Variants in ABL2 observed in about 807,000 individuals in gnomAD.
ABL2 encodes tyrosine-protein kinase ABL2.
Under a neutral mutation model 107.7 loss-of-function variants are expected in ABL2, and 49 were observed. The ratio of observed to expected loss-of-function variants is 0.45; its 90% CI spans 0.36 to 0.58. The LOEUF (loss-of-function observed/expected upper bound fraction) is 0.58. ABL2 is among the 20% of genes least tolerant of loss of function. The pLI, the probability that ABL2 is intolerant of heterozygous loss-of-function variation, is 0.00. For missense variants in ABL2, 1,245 were observed against 1,457.0 expected, an observed-to-expected ratio of 0.85 and a Z score of 2.37; for synonymous variants, 549 against 548.6, an observed-to-expected ratio of 1.00 and a Z score of -0.01.
At chr1:179,130,735 TG>T (rs1448185636) in intron 3 of ABL2, among the ~76,000 whole-genome samples, 3 of 145,864 alleles carry the variant, frequency 2.1e-5, no homozygotes, top group Admixed American at 7.5e-5. Flanking sequence ...TTTGTGTGTG[TG>T]TGTGTGTGTG....
At chr1:179,146,397 A>C (rs1657989236) in intron 1 of ABL2, among the ~76,000 whole-genome samples, 1 of 152,210 alleles carries the variant, frequency 6.6e-6, no homozygotes, top group African/African-American at 2.4e-5. Context: ...ATGGCCATGT[A>C]ATTCACTGAG....
In ABL2 at chr1:179,108,168, A is replaced by G; in HGVS notation, c.3099T>C (p.Ser1033=). The part of the protein sequence containing the change: ...KKAALGAVPI[S]GKAGRPVMPP... ...GCATCACTGGCCTCCCAGCTTTCCC[A>G]CTGATGGGCACTGCGCCCAGAGCTG... Residue 1033 remains serine, a synonymous_variant, in exon 12 of 12, where the codon AGT becomes AGC. Transcript: ENST00000502732. The G allele has an allele frequency of 6.2e-7, 1 of 1,614,142 alleles. No individual in the cohort carries two copies. The highest frequency in any genetic ancestry group is 8.5e-7 in the Non-Finnish European group (1 of 1,180,020).
chr1:179,204,736 G>A (rs1661859507), intron 1 of ABL2, among the ~76,000 whole-genome samples: 1 of 152,052 alleles, frequency 6.6e-6, no homozygotes, highest in Non-Finnish European at 1.5e-5. Flanking sequence ...GACAGAGCAA[G>A]ACCCTGTCTC....
intron 1 of ABL2, among the ~76,000 whole-genome samples, chr1:179,178,215 T>C (rs1660156886): frequency 6.6e-6 from 1 of 151,894 alleles, no homozygotes; most frequent in Non-Finnish European, 1.5e-5. Flanking sequence ...CTGGTCAACA[T>C]GGTGAAACCC....
chr1:179,176,991 C>T (rs940112732), intron 1 of ABL2, among the ~76,000 whole-genome samples: 5 of 152,040 alleles, frequency 3.3e-5, no homozygotes, highest in African/African-American at 1.2e-4. Context: ...CCAACACACA[C>T]GGCCAAGTGT....
rs1653421982 is a variant in ABL2, at chr1:179,105,656, C to T, written c.*2062G>A. Reference sequence around the variant, plus strand: ...CCCAACACCTGCCAGGAATGCCCAGCACCGCGTGTCTCCTCTAATCCTCTT... The same window carrying T: ...CCCAACACCTGCCAGGAATGCCCAGTACCGCGTGTCTCCTCTAATCCTCTT... On this transcript the variant is annotated 3_prime_UTR_variant, in exon 12 of 12. Coordinates refer to ENST00000502732, the MANE Select transcript of ABL2 (RefSeq NM_007314.4). The T allele has an allele frequency of 1.3e-5, 3 of 227,026 alleles. No homozygotes were observed. Among genetic ancestry groups the T allele is most frequent in the Non-Finnish European group, 2.6e-5 (3 of 114,244 alleles). The allele number at this position is 227,026 out of a possible 1,614,324, so 14.1% of individuals were successfully genotyped here. A position where few individuals can be genotyped will look rare whatever the true frequency, so the allele number is the denominator to read the frequency against.
intron 1 of ABL2, among the ~76,000 whole-genome samples, chr1:179,151,152 G>A (rs573439899): frequency 1.3e-5 from 2 of 152,164 alleles, no homozygotes; most frequent in Admixed American, 1.3e-4. Flanking sequence ...TCATTGCAGT[G>A]GCATGAAACC....
At chr1:179,181,655 T>C (rs1175885997) in intron 1 of ABL2, among the ~76,000 whole-genome samples, 3 of 152,226 alleles carry the variant, frequency 2.0e-5, no homozygotes, top group Non-Finnish European at 2.9e-5. Context: ...CAACTCTTTT[T>C]GAATACCATG....
At chr1:179,168,050 A>G (rs1292710662) in intron 1 of ABL2, among the ~76,000 whole-genome samples, 6 of 152,248 alleles carry the variant, frequency 3.9e-5, no homozygotes, top group Admixed American at 2.6e-4. Flanking sequence ...GAGATAAGTT[A>G]CAAATTCAGC....
chr1:179,139,377 C>A (rs940226735), intron 1 of ABL2, among the ~76,000 whole-genome samples: 1 of 152,046 alleles, frequency 6.6e-6, no homozygotes, highest in Non-Finnish European at 1.5e-5. Flanking sequence ...CACGAACTCA[C>A]CAGAAGGAAG....
chr1:179,100,597 G>C lies in ABL2; in HGVS notation c.*7121C>G, dbSNP rs1003420963. ...CCTTTCATAAAGCCTGCTAGCATTC[G>C]ACAGTTTGCCTCCAGCTTTTCTAAA... On this transcript the variant is annotated 3_prime_UTR_variant, in exon 12 of 12. Transcript: ENST00000502732. 4.4e-6 allele frequency: 1 copy of C among 228,828 alleles called. No individual in the cohort carries two copies. The highest frequency in any genetic ancestry group is 8.7e-6 in the Non-Finnish European group (1 of 115,428). 14.2% of individuals were successfully genotyped at this position (228,828 alleles called of 1,614,324 possible).
At chr1:179,190,908 G>C (rs546894528) in intron 1 of ABL2, among the ~76,000 whole-genome samples, 1 of 152,140 alleles carries the variant, frequency 6.6e-6, no homozygotes, top group Non-Finnish European at 1.5e-5. Flanking sequence ...AATATTCCAG[G>C]ATATGGTCCA....
chr1:179,148,195 C>G (rs1263235376), intron 1 of ABL2, among the ~76,000 whole-genome samples: 1 of 151,984 alleles, frequency 6.6e-6, no homozygotes, highest in Non-Finnish European at 1.5e-5. Flanking sequence ...TGTGCCATCA[C>G]CCCCGGCTAA....
At chr1:179,184,590 G>A in intron 1 of ABL2, 14 of 540,582 alleles carry the variant, frequency 2.6e-5, no homozygotes, top group Non-Finnish European at 3.4e-5. Context: ...AGGAGGAGGA[G>A]GAAGAGGAAG....
rs776156613 is a variant in ABL2 at position 179,107,806 on chromosome 1, G to A, written c.3461C>T (p.Ser1154Leu). The A allele has an allele frequency of 1.2e-6, 2 of 1,614,224 alleles. No homozygotes were observed. Among genetic ancestry groups the A allele is most frequent in the South Asian group, 1.1e-5 (1 of 91,082 alleles). Residue 1154 changes from serine to leucine, a missense_variant, in exon 12 of 12, where the codon TCA (serine) becomes TTA (leucine). Physicochemically the swap from Ser to Leu is moderately radical, Grantham distance 145. This residue lies in a region of ABL2 where 761 missense variants were observed against 766.4 expected (regional missense o/e 0.99). Coordinates refer to ENST00000502732, the MANE Select transcript of ABL2 (RefSeq NM_007314.4). Reference protein sequence around the residue: ...ELSLQELQVSSAAAGVPGTNP... With the variant: ...ELSLQELQVSLAAAGVPGTNP... ...TGTCCCGGGCACACCAGCAGCTGCT[G>A]AAGAAACCTGTAGCTCCTGCAGGCT...
chr1:179,197,826 G>A (rs1362454049), intron 1 of ABL2, among the ~76,000 whole-genome samples: 12 of 149,716 alleles, frequency 8.0e-5, no homozygotes, highest in Admixed American at 3.3e-4. Flanking sequence ...CTGAGATCAC[G>A]CCACTGCATT....
chr1:179,152,036 G>GA (rs1386558128), intron 1 of ABL2, among the ~76,000 whole-genome samples: 4 of 151,994 alleles, frequency 2.6e-5, no homozygotes, highest in South Asian at 4.1e-4. Flanking sequence ...TTTCTAAGCA[G>GA]AAAAAAACAA....
At position 179,143,047 on chromosome 1, in the gene ABL2, C is replaced by T. The variant is rs1165652017; in HGVS notation, c.158-9673G>A. The T allele has an allele frequency of 1.9e-6, 3 of 1,613,550 alleles. No individual in the cohort carries two copies. In the African/African-American group the frequency reaches 4.0e-5, roughly 22 times the overall value. ...AGGAGAACTGTCCCAAGGACCATAC[C>T]TCTGCCCAGAAGCACAAAAGTTAAA... is the stretch of plus-strand genomic sequence containing the variant. On this transcript the variant is annotated intron_variant, in intron 1 of 11. Coordinates refer to ENST00000502732, the MANE Select transcript of ABL2 (RefSeq NM_007314.4).
intron 1 of ABL2, among the ~76,000 whole-genome samples, chr1:179,204,928 G>A (rs1661869699): frequency 6.6e-6 from 1 of 152,064 alleles, no homozygotes; most frequent in Non-Finnish European, 1.5e-5. Flanking sequence ...ATAGAAACAT[G>A]AGTAGTGTCT....
Sources: allele counts gnomAD v4.1 joint callset (sites outside exome capture counted in the v4.1 genomes callset), GRCh38; gene constraint gnomAD v4.1.1; regional missense constraint gnomAD v4.1.1; transcripts MANE v1.5; gene names NCBI Gene and HGNC (gene_info 2026-07-23, HGNC 2026-07-21).